The following PLEKHA6 variants were observed in gnomAD, a reference collection of about 807,000 sequenced individuals.
The protein encoded by PLEKHA6 is pleckstrin homology domain-containing family A member 6.
A neutral mutation model predicts 116.7 loss-of-function variants in PLEKHA6; 60 were observed. The ratio of observed to expected loss-of-function variants is 0.51; its 90% confidence interval spans 0.42 to 0.64. The LOEUF is 0.64. Ranked by LOEUF, PLEKHA6 falls within the 30% of genes least tolerant of loss-of-function variation. The probability of loss-of-function intolerance (pLI) is 0.00; values close to 1 mark genes in which losing one functional copy is unlikely to be tolerated. For synonymous variants in PLEKHA6, 489 were observed against 556.1 expected, an observed-to-expected ratio of 0.88 and a Z score of 1.70; for missense variants, 1,338 against 1,422.7, an observed-to-expected ratio of 0.94 and a Z score of 0.96.
chr1:204,316,528 T>G (rs1671866945), intron 1 of PLEKHA6, among the ~76,000 whole-genome samples: 2 of 152,216 alleles, frequency 1.3e-5, no homozygotes, highest in African/African-American at 4.8e-5. Context: ...CACCCAGAGC[T>G]GGCAGAGCCT....
rs577475163 is a variant in PLEKHA6 at position 204,220,379 on chromosome 1, T to G, written c.*2409A>C. 1 of 152,620 alleles carries G rather than the reference T, an allele frequency of 6.6e-6. No individual in the cohort carries two copies. Among genetic ancestry groups the G allele is most frequent in the East Asian group, 1.9e-4 (1 of 5,182 alleles). The allele number at this position is 152,620 out of a possible 1,614,324, so 9.5% of individuals were successfully genotyped here. A position where few individuals can be genotyped will look rare whatever the true frequency, so the allele number is the denominator to read the frequency against. ...GAATGCCCTGCCCCCGGCAAGATGC[T>G]TTCTGGGTGAGCTCTGGGGACCAGC... On this transcript the variant is annotated 3_prime_UTR_variant, in exon 23 of 23. Transcript: ENST00000272203.
chr1:204,253,648 G>A (rs1470152546), intron 9 of PLEKHA6, among the ~76,000 whole-genome samples: 1 of 151,958 alleles, frequency 6.6e-6, no homozygotes, highest in Non-Finnish European at 1.5e-5. Flanking sequence ...AGTACAGTGG[G>A]ACACCCATCT....
chr1:204,290,699 A>G (rs1006850775), intron 1 of PLEKHA6, among the ~76,000 whole-genome samples: 1 of 152,186 alleles, frequency 6.6e-6, no homozygotes, highest in Admixed American at 6.5e-5. Context: ...TTCAAAAGAC[A>G]CTATTACAGG....
Position 204,250,539 on chromosome 1 carries a change from C to T in PLEKHA6, c.1593+7G>A. On this transcript the variant is annotated splice_region_variant and intron_variant, in intron 10 of 22. Transcript: ENST00000272203. ...TGGAGGGAGGGAGCAGGGGGCGCTG[C>T]TCTTACATCTGTGTCTTGCTCGTTT... 6.2e-7 allele frequency: 1 copy of T among 1,608,236 alleles called. No individual in the cohort carries two copies. The highest frequency in any genetic ancestry group is 2.2e-5 in the East Asian group (1 of 44,864).
intron 1 of PLEKHA6, among the ~76,000 whole-genome samples, chr1:204,336,335 C>T (rs1165861910): frequency 8.5e-5 from 13 of 152,232 alleles, no homozygotes; most frequent in Non-Finnish European, 1.8e-4. Flanking sequence ...GGCTCACAAA[C>T]CTGCAGTGCT....
intron 1 of PLEKHA6, chr1:204,313,620 T>G (rs917884817): frequency 1.0e-6 from 1 of 984,926 alleles, no homozygotes; most frequent in African/African-American, 1.7e-5. Context: ...ATATTCCATA[T>G]TAGCCCAAGG....
intron 1 of PLEKHA6, among the ~76,000 whole-genome samples, chr1:204,284,331 C>T (rs1668945298): frequency 6.6e-6 from 1 of 152,156 alleles, no homozygotes; most frequent in Non-Finnish European, 1.5e-5. Flanking sequence ...GCCTCCGGCC[C>T]CCAAGGAGGG....
At chr1:204,245,132 C>T in intron 14 of PLEKHA6, 129 bp from the exon 15 acceptor site, 1 of 625,772 alleles carries the variant, frequency 1.6e-6, no homozygotes, top group Non-Finnish European at 2.5e-6. Flanking sequence ...TTTAGTGTCT[C>T]AGGGCTACCT....
At position 204,259,657 on chromosome 1, in the gene PLEKHA6, G is replaced by C; in HGVS notation, c.608C>G (p.Pro203Arg). ...PPHNSLPKPE[P>R]EAKTRGEGDG... The stretch of plus-strand genomic sequence containing the variant: ...ACCCTCCCCTCGAGTCTTGGCCTCT[G>C]GCTCAGGCTTAGGGAGGCTGTTGTG... The change falls in exon 8 of 23, where the codon CCA becomes CGA. Residue 203 changes from proline (P) to arginine (R), a missense_variant. Physicochemically the swap from Pro to Arg is moderately radical, Grantham distance 103. This residue lies in a region of PLEKHA6 where 1,136 missense variants were observed against 1,163.6 expected (regional missense o/e 0.98). Transcript: ENST00000272203. This position sits in a 1 kb window ranked among gnomAD's most constrained non-coding sequence, Gnocchi z 4.6. 6.2e-7 allele frequency: 1 copy of C among 1,614,172 alleles called. No individual in the cohort carries two copies. The highest frequency in any genetic ancestry group is 8.5e-7 in the Non-Finnish European group (1 of 1,180,038).
intron 1 of PLEKHA6, among the ~76,000 whole-genome samples, chr1:204,372,439 C>T (rs1195447540): frequency 6.6e-6 from 1 of 152,194 alleles, no homozygotes; most frequent in East Asian, 1.9e-4. Flanking sequence ...AAGCATCTGA[C>T]TGTCTTGGCT....
At chr1:204,297,212 A>G (rs956613831) in intron 1 of PLEKHA6, 2 of 982,330 alleles carry the variant, frequency 2.0e-6, no homozygotes, top group East Asian at 1.1e-4. Context: ...TTGATGTGAC[A>G]TTTAACTCCT....
At chr1:204,334,763 G>A (rs1672582027) in intron 1 of PLEKHA6, among the ~76,000 whole-genome samples, 1 of 152,002 alleles carries the variant, frequency 6.6e-6, no homozygotes, top group African/African-American at 2.4e-5. Context: ...GCCGGGCGCG[G>A]TAGTGCACAC....
chr1:204,326,792 T>A (rs1480451036), intron 1 of PLEKHA6, among the ~76,000 whole-genome samples: 3 of 152,166 alleles, frequency 2.0e-5, no homozygotes, highest in African/African-American at 7.2e-5. Context: ...ATTTTATGAG[T>A]GCCTTCTGTG....
At chr1:204,371,053 C>CAAAAAAAAAAAAAAAAAA (rs34493461) in intron 2 of PLEKHA6, among the ~76,000 whole-genome samples, 2 of 68,478 alleles carry the variant, frequency 2.9e-5, no homozygotes, top group African/African-American at 1.2e-4. Flanking sequence ...GACTCTGCCT[C>CAAAAAAAAAAAAAAAAAA]AAAAAAAAAA....
At chr1:204,316,806 C>T (rs4433462) in intron 1 of PLEKHA6, among the ~76,000 whole-genome samples, 76,974 of 152,124 alleles carry the variant, frequency 0.51, 20,041 homozygotes, top group Middle Eastern at 0.62. Flanking sequence ...ATTCCTCTTT[C>T]CTTTGGCATC....
chr1:204,256,900 A>C, intron 9 of PLEKHA6: 1 of 631,526 alleles, frequency 1.6e-6, no homozygotes, highest in East Asian at 2.8e-5. Flanking sequence ...TGGAAGAGAA[A>C]GGGATCGCAG....
chr1:204,282,798 G>T (rs1040237253), intron 1 of PLEKHA6: 168 of 985,212 alleles, frequency 1.7e-4, no homozygotes, highest in Non-Finnish European at 2.0e-4. Flanking sequence ...GTGTGCTCTT[G>T]TTCCCTTCTA....
At chr1:204,342,966 C>T (rs759778100) in intron 1 of PLEKHA6, among the ~76,000 whole-genome samples, 3 of 152,164 alleles carry the variant, frequency 2.0e-5, no homozygotes, top group Non-Finnish European at 2.9e-5. Flanking sequence ...ATAAAAAGGA[C>T]GCGACTGCAT....
intron 1 of PLEKHA6, among the ~76,000 whole-genome samples, chr1:204,275,165 G>A (rs957543798): frequency 1.3e-5 from 2 of 152,026 alleles, no homozygotes; most frequent in South Asian, 2.1e-4. Context: ...CGCATGGCAG[G>A]TTCTCTCCCA....
Sources: allele counts gnomAD v4.1 joint callset (sites outside exome capture counted in the v4.1 genomes callset), GRCh38; gene constraint gnomAD v4.1.1; regional missense constraint gnomAD v4.1.1; non-coding constraint Gnocchi (gnomAD v3.1); transcripts MANE v1.5; gene names NCBI Gene and HGNC (gene_info 2026-07-23, HGNC 2026-07-21).